The following FNDC1 variants were observed in gnomAD, a reference collection of about 807,000 sequenced individuals.
FNDC1 encodes fibronectin type III domain-containing protein 1.
In FNDC1, 96 loss-of-function variants were observed where a neutral mutation model predicts 168.0. That is an observed-to-expected ratio of 0.57 (90% confidence interval 0.48 to 0.68). FNDC1 has a LOEUF of 0.68. FNDC1 is among the 30% of genes least tolerant of loss of function. The pLI is 0.00. For missense variants in FNDC1, 2,587 were observed against 2,482.1 expected, an observed-to-expected ratio of 1.04 and a Z score of -0.90; for synonymous variants, 1,099 against 1,025.9, an observed-to-expected ratio of 1.07 and a Z score of -1.36.
At chr6:159,179,464 A>G (rs1583850044) in intron 1 of FNDC1, among the ~76,000 whole-genome samples, 1 of 152,146 alleles carries the variant, frequency 6.6e-6, no homozygotes, top group Non-Finnish European at 1.5e-5. Context: ...GTCTCAAACA[A>G]AAACAAAAAC....
chr6:159,188,746 C>CTTTT (rs869093208), intron 1 of FNDC1, among the ~76,000 whole-genome samples: 1 of 126,538 alleles, frequency 7.9e-6, no homozygotes. Flanking sequence ...TTAATTTTTA[C>CTTTT]TTTTTTTTTT....
intron 4 of FNDC1, among the ~76,000 whole-genome samples, chr6:159,210,313 T>C (rs1782574397): frequency 6.6e-6 from 1 of 152,124 alleles, no homozygotes; most frequent in African/African-American, 2.4e-5. Flanking sequence ...ATCCGACAGA[T>C]GGGGTGCGAA....
At chr6:159,181,275 A>T (rs1218855731) in intron 1 of FNDC1, among the ~76,000 whole-genome samples, 1 of 152,184 alleles carries the variant, frequency 6.6e-6, no homozygotes, top group Non-Finnish European at 1.5e-5. Context: ...ATCAGCTTCT[A>T]GCACTGGGCC....
chr6:159,171,752 G>A (rs1781666708), intron 1 of FNDC1, among the ~76,000 whole-genome samples: 1 of 152,222 alleles, frequency 6.6e-6, no homozygotes, highest in African/African-American at 2.4e-5. Flanking sequence ...AGTCTGGTAT[G>A]ATACATTTTT....
chr6:159,266,178 A>G lies in FNDC1; in HGVS notation c.5379A>G (p.Arg1793=). The change falls in exon 21 of 23, where the codon CGA becomes CGG. Residue 1793 remains arginine, a synonymous_variant. Transcript: ENST00000297267. ...AATATGTGAAGCGCACGTGGTATCG[A>G]AAGTTCGTGGGAGTTGTTCTTTGTA... ...GRQYVKRTWY[R]KFVGVVLCNS... 3 of 1,614,028 alleles carry G rather than the reference A, an allele frequency of 1.9e-6. No individual in the cohort carries two copies. The highest frequency in any genetic ancestry group is 2.5e-6 in the Non-Finnish European group (3 of 1,179,884).
At chr6:159,244,017 A>T (rs1783487749) in intron 14 of FNDC1, among the ~76,000 whole-genome samples, 1 of 152,222 alleles carries the variant, frequency 6.6e-6, no homozygotes. Context: ...TCCATGAAGG[A>T]AATGATATAC....
intron 1 of FNDC1, among the ~76,000 whole-genome samples, chr6:159,187,864 T>C (rs972313058): frequency 5.3e-5 from 8 of 152,254 alleles, no homozygotes; most frequent in African/African-American, 1.9e-4. Context: ...CTGTATCGTA[T>C]GAATGATAGC....
At chr6:159,252,286 G>C (rs1301507098) in intron 17 of FNDC1, among the ~76,000 whole-genome samples, 1 of 152,194 alleles carries the variant, frequency 6.6e-6, no homozygotes. Flanking sequence ...GTGTGTCTCT[G>C]ACTGGGAGGT....
chr6:159,186,924 G>A (rs1782012500), intron 1 of FNDC1, among the ~76,000 whole-genome samples: 1 of 152,234 alleles, frequency 6.6e-6, no homozygotes. Context: ...AAGTACATTG[G>A]CATGCATGCA....
intron 11 of FNDC1, among the ~76,000 whole-genome samples, chr6:159,235,284 T>C (rs1207286086): frequency 1.3e-5 from 2 of 150,574 alleles, no homozygotes; most frequent in Admixed American, 1.3e-4. Flanking sequence ...TTGTATGTAA[T>C]TGGGGCTTTA....
chr6:159,193,647 G>T (rs1782184591), intron 1 of FNDC1, among the ~76,000 whole-genome samples: 1 of 152,114 alleles, frequency 6.6e-6, no homozygotes, highest in Admixed American at 6.5e-5. Context: ...ATCTCTGGAG[G>T]CCTGTCTGTG....
At chr6:159,261,679 GA>G (rs1228142479) in intron 19 of FNDC1, among the ~76,000 whole-genome samples, 1 of 152,228 alleles carries the variant, frequency 6.6e-6, no homozygotes, top group Non-Finnish European at 1.5e-5. Flanking sequence ...CCCTTTAGTA[GA>G]AGGCAGATAT....
rs1316570656 is a variant in FNDC1 at position 159,233,627 on chromosome 6, G to C, written c.3115G>C (p.Gly1039Arg). ...GCCCAGGCTCTCACTGACCCAGGCC[G>C]GGCGGCCCCGCCCCACGTCGCAGGG... Reference protein sequence around the residue: ...SQPRLSLTQAGRPRPTSQGRS... With the variant: ...SQPRLSLTQARRPRPTSQGRS... The change falls in exon 11 of 23, where the codon GGG (glycine) becomes CGG (arginine). Residue 1039 changes from glycine to arginine, a missense_variant. Transcript: ENST00000297267. This position sits in a 1 kb window ranked among gnomAD's most constrained non-coding sequence, Gnocchi z 4.6. 6.4e-7 allele frequency: 1 copy of C among 1,560,558 alleles called. No individual in the cohort carries two copies. Among genetic ancestry groups the C allele is most frequent in the South Asian group, 1.2e-5 (1 of 85,006 alleles).
chr6:159,217,425 G>GC (rs200968197), intron 5 of FNDC1, among the ~76,000 whole-genome samples: 1 of 144,342 alleles, frequency 6.9e-6, no homozygotes, highest in Non-Finnish European at 1.5e-5. Flanking sequence ...TCCGAGGCCA[G>GC]CCCCCTGGGT....
chr6:159,199,959 T>C, intron 2 of FNDC1, 37 bp from the exon 3 acceptor site: 2 of 1,529,738 alleles, frequency 1.3e-6, no homozygotes, highest in South Asian at 1.2e-5. Flanking sequence ...TTCTTGGAGA[T>C]CTGAATTGGT....
chr6:159,170,037 C>T (rs1194186630), intron 1 of FNDC1: 1 of 157,342 alleles, frequency 6.4e-6, no homozygotes, highest in African/African-American at 2.4e-5. Flanking sequence ...TGGGGTAATG[C>T]CTTTCTTTGC....
chr6:159,183,264 CTCTT>C (rs1384816701), intron 1 of FNDC1, among the ~76,000 whole-genome samples: 5 of 152,214 alleles, frequency 3.3e-5, no homozygotes, highest in African/African-American at 1.2e-4. Context: ...GGTGGACACT[CTCTT>C]TCAAGAGGAG....
chr6:159,244,562 T>A (rs536893707), intron 14 of FNDC1, among the ~76,000 whole-genome samples: 51 of 152,330 alleles, frequency 3.3e-4, no homozygotes, highest in Non-Finnish European at 6.0e-4. Context: ...CAATGTAATA[T>A]TCATGTCATT....
chr6:159,199,832 AT>A (rs2114948526), intron 2 of FNDC1, among the ~76,000 whole-genome samples, 163 bp from the exon 3 acceptor site: 1 of 152,360 alleles, frequency 6.6e-6, no homozygotes, highest in East Asian at 1.9e-4. Context: ...AGTGATTTTA[AT>A]TTAAAAAAAG....
Sources: allele counts gnomAD v4.1 joint callset (sites outside exome capture counted in the v4.1 genomes callset), GRCh38; gene constraint gnomAD v4.1.1; non-coding constraint Gnocchi (gnomAD v3.1); transcripts MANE v1.5; gene names NCBI Gene and HGNC (gene_info 2026-07-23, HGNC 2026-07-21).